S100B: variants seen among roughly 807,000 people sequenced by gnomAD.
S100B encodes the protein S100 calcium binding protein B.
S100B carries 6 observed loss-of-function variants against 7.7 expected under a neutral mutation model. The observed-to-expected ratio is 0.78, with a 90% CI of 0.43 to 1.54. S100B has a LOEUF of 1.54. Ranked by LOEUF, S100B falls within the 40% of genes most tolerant of loss-of-function variation. S100B has a pLI of 0.01. For synonymous variants in S100B, 36 were observed against 40.4 expected, an observed-to-expected ratio of 0.89 and a Z score of 0.41; for missense variants, 99 against 111.8, an observed-to-expected ratio of 0.89 and a Z score of 0.52.
intron 2 of S100B, among the ~76,000 whole-genome samples, chr21:46,601,081 G>T (rs990441808): frequency 6.6e-6 from 1 of 152,192 alleles, no homozygotes; most frequent in South Asian, 2.1e-4. Flanking sequence ...GTGGGGCAGT[G>T]TTTGGTGGGA....
At position 46,599,454 on chromosome 21, in the gene S100B, T is replaced by C. The variant is rs2061035559; in HGVS notation, c.188A>G (p.Asn63Ser). 19 of 1,614,048 alleles carry C rather than the reference T, an allele frequency of 1.2e-5. No individual in the cohort carries two copies. The highest frequency in any genetic ancestry group is 2.2e-5 in the East Asian group (1 of 44,880). The change falls in exon 3 of 3, where the codon AAT becomes AGT. Residue 63 changes from asparagine to serine, a missense_variant. Coordinates refer to ENST00000291700, the MANE Select transcript of S100B (RefSeq NM_006272.3). Reference protein sequence around the residue: ...VVDKVMETLDNDGDGECDFQE... With the variant: ...VVDKVMETLDSDGDGECDFQE... ...GAAGTCACATTCGCCGTCTCCATCA[T>C]TGTCCAGTGTTTCCATGACTTTGTC...
At chr21:46,602,486 T>C in intron 1 of S100B, 70 bp from the exon 2 acceptor site, 2 of 1,487,862 alleles carry the variant, frequency 1.3e-6, no homozygotes, top group Non-Finnish European at 1.8e-6. Context: ...ATGTTATCAA[T>C]ACAGACCTCA....
chr21:46,604,832 C>T (rs1401027153), intron 1 of S100B, among the ~76,000 whole-genome samples, 181 bp downstream of exon 1: 1 of 152,170 alleles, frequency 6.6e-6, no homozygotes, highest in Non-Finnish European at 1.5e-5. Flanking sequence ...GTCAGGTGTC[C>T]ACAAAGCAGC....
In S100B at chr21:46,600,469, T is replaced by C. The variant is rs1045666963; in HGVS notation, c.139-966A>G. 3.3e-5 allele frequency: 12 copies of C among 367,164 alleles called. No individual in the cohort carries two copies. In the Admixed American group the frequency reaches 3.8e-4, roughly 12 times the overall value. The allele number at this position is 367,164 out of a possible 1,614,324, so 22.7% of individuals were successfully genotyped here. A position where few individuals can be genotyped will look rare whatever the true frequency, so the allele number is the denominator to read the frequency against. ...GCTGAGGCGGAGGATCGCTTGAGCC[T>C]GGGAGGTTGAGGCTGCAATGAGCCA... On this transcript the variant is annotated intron_variant, in intron 2 of 2. Coordinates refer to ENST00000291700, the MANE Select transcript of S100B (RefSeq NM_006272.3).
intron 2 of S100B, chr21:46,600,226 G>A (rs1026740732): frequency 1.2e-5 from 4 of 320,380 alleles, no homozygotes; most frequent in African/African-American, 6.8e-5. Flanking sequence ...CAAGTGTAAT[G>A]TACAACAGCT....
chr21:46,604,815 T>C (rs1442561803), intron 1 of S100B, among the ~76,000 whole-genome samples, 198 bp downstream of exon 1: 2 of 152,190 alleles, frequency 1.3e-5, no homozygotes, highest in East Asian at 3.8e-4. Context: ...TGTCTAGGGC[T>C]GATGCAGTCA....
chr21:46,603,392 A>AGGGGGCGGGGGGGGTGGGGGGCGGGGGG, intron 1 of S100B, among the ~76,000 whole-genome samples: 1 of 38,230 alleles, frequency 2.6e-5, no homozygotes, highest in African/African-American at 1.0e-4. Flanking sequence ...GGACGGCGGG[A>AGGGGGCGGGGGGGGTGGGGGGCGGGGGG]GGGGGTGGGG....
intron 1 of S100B, among the ~76,000 whole-genome samples, chr21:46,603,392 A>AGGGGGTGGGGGGTGGGGGGGGCGGGG (rs796474856): frequency 0.06 from 2,283 of 38,188 alleles, 95 homozygotes; most frequent in Middle Eastern, 0.081. Flanking sequence ...GGACGGCGGG[A>AGGGGGTGGGGGGTGGGGGGGGCGGGG]GGGGGTGGGG....
Position 46,599,289 on chromosome 21 carries a change from G to T in S100B, c.*74C>A. 7.3e-7 allele frequency: 1 copy of T among 1,376,020 alleles called. No individual in the cohort carries two copies. The highest frequency in any genetic ancestry group is 2.0e-5 in the Admixed American group (1 of 49,222). The allele number at this position is 1,376,020 out of a possible 1,614,324, so 85.2% of individuals were successfully genotyped here. A position where few individuals can be genotyped will look rare whatever the true frequency, so the allele number is the denominator to read the frequency against. ...CGGCTGGAAAGCTCAGCTCCTACTA[G>T]GCTGCAAGCCCTTGCTGTCTGCTTT... On this transcript the variant is annotated 3_prime_UTR_variant, in exon 3 of 3. Transcript: ENST00000291700.
At chr21:46,600,175 G>A (rs1003090069) in intron 2 of S100B, 7 of 290,126 alleles carry the variant, frequency 2.4e-5, no homozygotes, top group African/African-American at 4.6e-5. Context: ...TAAATGCAGA[G>A]TAACAATTCT....
chr21:46,603,392 A>AGGGGGTGGGGGGAGGGGGGGGTGGGGGG (rs796474856), intron 1 of S100B, among the ~76,000 whole-genome samples: 37 of 38,232 alleles, frequency 9.7e-4, no homozygotes, highest in Non-Finnish European at 1.5e-3. Flanking sequence ...GGACGGCGGG[A>AGGGGGTGGGGGGAGGGGGGGGTGGGGGG]GGGGGTGGGG....
chr21:46,602,348 C>G lies in S100B; in HGVS notation c.68G>C (p.Gly23Ala). The change falls in exon 2 of 3, where the codon GGA (glycine) becomes GCA (alanine). Residue 23 changes from glycine to alanine, a missense_variant. Gly to Ala is a moderately conservative substitution (Grantham distance 60). Coordinates refer to ENST00000291700, the MANE Select transcript of S100B (RefSeq NM_006272.3). ...GGATTTCTTCAGCTTGTGCTTGTCT[C>G]CCTCCCTTCCAGAATATTGGTGGAA... ...DVFHQYSGRE[G>A]DKHKLKKSEL... 6.2e-7 allele frequency: 1 copy of G among 1,613,988 alleles called. No individual in the cohort carries two copies. The highest frequency in any genetic ancestry group is 1.3e-5 in the African/African-American group (1 of 75,032).
intron 2 of S100B, among the ~76,000 whole-genome samples, chr21:46,602,054 A>T (rs34722617): frequency 0.28 from 41,886 of 152,062 alleles, 6,371 homozygotes; most frequent in Middle Eastern, 0.35. Flanking sequence ...ACCTTGATGC[A>T]CCTACTGTAC....
rs9983698 is a variant in S100B, at chr21:46,598,630, C to T, written c.*733G>A. Among the ~76,000 whole-genome samples the T allele has an allele frequency of 0.061, 9,288 of 152,296 alleles. 765 individuals carry two copies. Among genetic ancestry groups the T allele is most frequent in the African/African-American group, 0.19 (7,781 of 41,544 alleles). ...CCCAAGCTGCGCTCTTTTTATTGAA[C>T]GCAGGCCCTCGCGGTGGCTCAGAGC... On this transcript the variant is annotated 3_prime_UTR_variant, in exon 3 of 3. Transcript: ENST00000291700.
chr21:46,602,658 G>A (rs752814630), intron 1 of S100B: 72 of 414,124 alleles, frequency 1.7e-4, no homozygotes, highest in Non-Finnish European at 2.8e-4. Flanking sequence ...TGGGCCACGG[G>A]GATATATTCC....
At chr21:46,603,392 A>AGGGGGGGGGGGGAGGGGGGGGCGGGG (rs1555923741) in intron 1 of S100B, among the ~76,000 whole-genome samples, 1 of 38,206 alleles carries the variant, frequency 2.6e-5, no homozygotes, top group Non-Finnish European at 4.9e-5. Context: ...GGACGGCGGG[A>AGGGGGGGGGGGGAGGGGGGGGCGGGG]GGGGGTGGGG....
At chr21:46,601,293 T>C (rs2061040731) in intron 2 of S100B, among the ~76,000 whole-genome samples, 1 of 152,206 alleles carries the variant, frequency 6.6e-6, no homozygotes, top group Admixed American at 6.5e-5. Context: ...CGCTGGCTCA[T>C]TGTCTGGTCA....
intron 2 of S100B, chr21:46,600,139 T>G: frequency 8.1e-6 from 2 of 246,832 alleles, no homozygotes; most frequent in Middle Eastern, 7.7e-4. Flanking sequence ...GGGAAAAATT[T>G]GGGTATTGAA....
Position 46,599,490 on chromosome 21 carries a change from T to C in S100B, c.152A>G (p.Gln51Arg). ...LSHFLEEIKE[Q>R]EVVDKVMETL... Reference sequence around the variant, plus strand: ...TTCCATGACTTTGTCCACAACCTCCTGCTCTTTGATTTCCTAAGAGAGATA... The same window carrying C: ...TTCCATGACTTTGTCCACAACCTCCCGCTCTTTGATTTCCTAAGAGAGATA... Residue 51 changes from glutamine to arginine, a missense_variant, in exon 3 of 3, where the codon CAG becomes CGG. Coordinates refer to ENST00000291700, the MANE Select transcript of S100B (RefSeq NM_006272.3). 6.2e-7 allele frequency: 1 copy of C among 1,614,212 alleles called. No homozygotes were observed. The highest frequency in any genetic ancestry group is 8.5e-7 in the Non-Finnish European group (1 of 1,179,998).
Sources: gnomAD v4.1 joint callset for allele counts (sites outside exome capture counted in the v4.1 genomes callset) on GRCh38, gnomAD v4.1.1 for gene constraint, MANE v1.5 for transcripts, NCBI Gene and HGNC (gene_info 2026-07-23, HGNC 2026-07-21) for gene names.